Variants in FOCAD observed in about 807,000 individuals in gnomAD.
FOCAD encodes the protein focadhesin, also known as KIAA1797.
A neutral mutation model predicts 225.6 loss-of-function variants in FOCAD; 198 were observed. That is an observed-to-expected ratio of 0.88 (90% CI 0.78 to 0.99). FOCAD has a LOEUF of 0.99. Among genes scored for constraint, FOCAD ranks in the 50% least tolerant of loss-of-function variants. The pLI, the probability that FOCAD is intolerant of heterozygous loss-of-function variation, is 0.00. For missense variants in FOCAD, 2,713 were observed against 2,123.6 expected, an observed-to-expected ratio of 1.28 and a Z score of -5.46; for synonymous variants, 897 against 755.0, an observed-to-expected ratio of 1.19 and a Z score of -3.08.
At chr9:20,674,926 G>C (rs539103539) in intron 2 of FOCAD, among the ~76,000 whole-genome samples, 1 of 152,148 alleles carries the variant, frequency 6.6e-6, no homozygotes, top group Non-Finnish European at 1.5e-5. Flanking sequence ...GGTTGTCTCA[G>C]AATCCAGGGT....
Position 20,971,353 on chromosome 9 carries a change from G to C in FOCAD, c.4133-5067G>C, listed in dbSNP as rs148375928. Among the ~76,000 whole-genome samples the C allele has an allele frequency of 1.3e-3, 203 of 152,142 alleles. 1 individual carries two copies. Among genetic ancestry groups the C allele is most frequent in the African/African-American group, 4.7e-3 (194 of 41,484 alleles). ...TTTCTTTATCTCTACCAATTATGCT[G>C]CTATTTCTGAATATGCATCTTCTTT... On this transcript the variant is annotated intron_variant, in intron 35 of 43. Transcript: ENST00000338382.
chr9:20,814,346 CTTTTTTCT>C (rs1381583808), intron 11 of FOCAD, among the ~76,000 whole-genome samples: 12 of 150,792 alleles, frequency 8.0e-5, no homozygotes, highest in African/African-American at 2.2e-4. Context: ...ATTTTCTTTT[CTTTTTTCT>C]TTTTTTCTTT....
chr9:20,735,095 T>A (rs901207202), intron 4 of FOCAD, among the ~76,000 whole-genome samples: 1 of 152,156 alleles, frequency 6.6e-6, no homozygotes, highest in Non-Finnish European at 1.5e-5. Context: ...TAACACTGAG[T>A]ATTATGAATC....
At chr9:20,831,497 C>T (rs1825488202) in intron 15 of FOCAD, among the ~76,000 whole-genome samples, 1 of 152,028 alleles carries the variant, frequency 6.6e-6, no homozygotes, top group South Asian at 2.1e-4. Flanking sequence ...TAGGAGCTCA[C>T]AGTCTGGTAG....
intron 2 of FOCAD, among the ~76,000 whole-genome samples, chr9:20,678,551 A>G (rs1020375740): frequency 3.9e-5 from 6 of 152,206 alleles, no homozygotes; most frequent in African/African-American, 1.4e-4. Flanking sequence ...TGACCAAGGT[A>G]AGTGTGTCAG....
At chr9:20,956,541 T>C (rs1423696048) in intron 35 of FOCAD, among the ~76,000 whole-genome samples, 1 of 152,198 alleles carries the variant, frequency 6.6e-6, no homozygotes, top group East Asian at 1.9e-4. Flanking sequence ...GTATATTATT[T>C]TATTGTCCTA....
chr9:20,970,160 C>T (rs1376464163), intron 35 of FOCAD, among the ~76,000 whole-genome samples: 1 of 152,054 alleles, frequency 6.6e-6, no homozygotes, highest in Non-Finnish European at 1.5e-5. Flanking sequence ...AATTTGGCTA[C>T]AGTACGTCTT....
chr9:20,682,759 G>C (rs141239225), upstream of FOCAD, among the ~76,000 whole-genome samples: 22 of 152,250 alleles, frequency 1.4e-4, no homozygotes, highest in African/African-American at 4.3e-4. Context: ...ATAACTTTAA[G>C]TAGGTTCAAT....
chr9:20,764,726 G>T, intron 6 of FOCAD, 143 bp from the exon 7 acceptor site: 1 of 678,998 alleles, frequency 1.5e-6, no homozygotes, highest in Non-Finnish European at 2.5e-6. Flanking sequence ...GGTCATAGCG[G>T]AATAGAAGAA....
chr9:20,830,876 T>C (rs990436205), intron 15 of FOCAD, among the ~76,000 whole-genome samples: 12 of 152,022 alleles, frequency 7.9e-5, no homozygotes, highest in African/African-American at 2.9e-4. Flanking sequence ...AGTCTCACTA[T>C]GTTGACCAGG....
intron 24 of FOCAD, among the ~76,000 whole-genome samples, chr9:20,920,243 C>G (rs1274453841): frequency 1.2e-4 from 17 of 147,686 alleles, no homozygotes; most frequent in Admixed American, 1.1e-3. Context: ...CAGAGAAATG[C>G]AAATCAAAAC....
At chr9:20,985,010 A>G (rs1052713857) in intron 39 of FOCAD, among the ~76,000 whole-genome samples, 50 of 152,188 alleles carry the variant, frequency 3.3e-4, no homozygotes, top group African/African-American at 1.2e-3. Flanking sequence ...CATGTTGGCC[A>G]GGCTGGTTTT....
At chr9:20,793,334 A>C (rs1430687595) in intron 11 of FOCAD, among the ~76,000 whole-genome samples, 1 of 152,188 alleles carries the variant, frequency 6.6e-6, no homozygotes, top group South Asian at 2.1e-4. Flanking sequence ...CCTTACATAT[A>C]TATCTGTAGG....
chr9:20,970,003 T>TC (rs397946705), intron 35 of FOCAD, among the ~76,000 whole-genome samples: 3 of 151,678 alleles, frequency 2.0e-5, no homozygotes, highest in East Asian at 1.9e-4. Context: ...TTTTTTTTTT[T>TC]CTTTCAGTAA....
intron 33 of FOCAD, among the ~76,000 whole-genome samples, chr9:20,950,144 A>G (rs960050613): frequency 8.5e-5 from 13 of 152,166 alleles, no homozygotes; most frequent in Non-Finnish European, 1.8e-4. Flanking sequence ...ATTTAAAAAA[A>G]AAAGATTATG....
At chr9:20,827,491 G>A (rs1391054010) in intron 15 of FOCAD, among the ~76,000 whole-genome samples, 2 of 151,742 alleles carry the variant, frequency 1.3e-5, no homozygotes, top group African/African-American at 2.4e-5. Context: ...AGAAAATTGT[G>A]GCGTGTGTGT....
upstream of FOCAD, chr9:20,684,147 C>T (rs964543326): frequency 1.3e-5 from 2 of 152,248 alleles, no homozygotes; most frequent in African/African-American, 2.4e-5. Flanking sequence ...CCGGGGAGGG[C>T]GGGCCCCAGC....
intron 11 of FOCAD, among the ~76,000 whole-genome samples, chr9:20,807,589 C>G (rs1193485824): frequency 6.6e-6 from 1 of 152,134 alleles, no homozygotes; most frequent in Non-Finnish European, 1.5e-5. Flanking sequence ...TGTGCTAAGC[C>G]TCCCAAATCT....
chr9:20,676,425 C>T (rs1288764116), intron 2 of FOCAD, among the ~76,000 whole-genome samples: 1 of 152,148 alleles, frequency 6.6e-6, no homozygotes, highest in African/African-American at 2.4e-5. Context: ...ACATGAGTGG[C>T]TTTGAAAATT....
Sources: gnomAD v4.1 joint callset for allele counts (sites outside exome capture counted in the v4.1 genomes callset) on GRCh38, gnomAD v4.1.1 for gene constraint, MANE v1.5 for transcripts, NCBI Gene and HGNC (gene_info 2026-07-23, HGNC 2026-07-21) for gene names.